VAV2: variants seen among roughly 807,000 people sequenced by gnomAD.
The protein encoded by VAV2 is vav guanine nucleotide exchange factor 2.
A neutral mutation model predicts 132.5 loss-of-function variants in VAV2; 67 were observed. The observed-to-expected ratio is 0.51, with a 90% confidence interval of 0.42 to 0.62. VAV2 has a LOEUF of 0.62. VAV2 is among the 20% of genes least tolerant of loss of function. VAV2 has a pLI of 0.00. For synonymous variants in VAV2, 492 were observed against 443.5 expected, an observed-to-expected ratio of 1.11 and a Z score of -1.37; for missense variants, 938 against 1,153.6, an observed-to-expected ratio of 0.81 and a Z score of 2.71.
At chr9:133,888,727 T>A (rs919432634) in intron 2 of VAV2, among the ~76,000 whole-genome samples, 1 of 152,198 alleles carries the variant, frequency 6.6e-6, no homozygotes, top group Non-Finnish European at 1.5e-5. Flanking sequence ...ATTAGTATCA[T>A]GAGCCTGAGC....
chr9:133,876,479 C>T (rs866458015), intron 2 of VAV2, among the ~76,000 whole-genome samples: 1 of 152,254 alleles, frequency 6.6e-6, no homozygotes, highest in Admixed American at 6.5e-5. Context: ...GCCAGGAGAA[C>T]GTGCAGGGGC....
In VAV2 at chr9:133,769,272, C is replaced by T. The variant is rs1564326648; in HGVS notation, c.2434+145G>A. On this transcript the variant is annotated intron_variant, in intron 28 of 29. Coordinates refer to ENST00000371850, the MANE Select transcript of VAV2 (RefSeq NM_001134398.2). The surrounding 1 kb of genome is among the most constrained non-coding windows in gnomAD (Gnocchi z 8.1). ...AGCCTCTGCCCGGCCTCCCCAGCCC[C>T]TTTCTCCCCTCCACCCAGTGCCAGA... is the stretch of plus-strand genomic sequence containing the variant. 1 of 917,636 alleles carries T rather than the reference C, an allele frequency of 1.1e-6. No homozygotes were observed. Among genetic ancestry groups the T allele is most frequent in the Non-Finnish European group, 1.6e-6 (1 of 617,588 alleles). 56.8% of individuals were successfully genotyped at this position (917,636 alleles called of 1,614,324 possible).
At chr9:133,827,252 G>T (rs571904871) in intron 4 of VAV2, among the ~76,000 whole-genome samples, 165 of 10,602 alleles carry the variant, frequency 0.016, 6 homozygotes, top group African/African-American at 0.049. Flanking sequence ...CCACTGAGCG[G>T]GGGCATCACC....
At chr9:133,793,240 G>A (rs139048080) in intron 12 of VAV2, among the ~76,000 whole-genome samples, 2,119 of 151,934 alleles carry the variant, frequency 0.014, 28 homozygotes, top group Middle Eastern at 0.027. Context: ...GAACCCAAGG[G>A]AGCCGGCCAC....
chr9:133,832,145 C>A (rs1836287565), intron 4 of VAV2, among the ~76,000 whole-genome samples: 1 of 152,166 alleles, frequency 6.6e-6, no homozygotes, highest in Non-Finnish European at 1.5e-5. Flanking sequence ...AGGGTCTGAC[C>A]CTCTGATAGG....
At position 133,823,720 on chromosome 9, in the gene VAV2, C is replaced by T. The variant is rs914542939; in HGVS notation, c.449+10552G>A. Among the ~76,000 whole-genome samples the T allele has an allele frequency of 2.0e-5, 3 of 152,176 alleles. No individual in the cohort carries two copies. The highest frequency in any genetic ancestry group is 4.4e-5 in the Non-Finnish European group (3 of 68,044). On this transcript the variant is annotated intron_variant, in intron 4 of 29. Coordinates refer to ENST00000371850, the MANE Select transcript of VAV2 (RefSeq NM_001134398.2). The surrounding 1 kb of genome is among the most constrained non-coding windows in gnomAD (Gnocchi z 5.5). Reference sequence around the variant, plus strand: ...ATGAATGCGTATGTCTTTAAAGCTGCCCTTCTGCGCCGGTCCCCTCCCTCT... The same window carrying T: ...ATGAATGCGTATGTCTTTAAAGCTGTCCTTCTGCGCCGGTCCCCTCCCTCT...
chr9:133,977,200 A>G (rs1427494975), intron 1 of VAV2, among the ~76,000 whole-genome samples: 1 of 152,202 alleles, frequency 6.6e-6, no homozygotes, highest in Non-Finnish European at 1.5e-5. Flanking sequence ...CCAGCATCCC[A>G]CGAGGACCTC....
At chr9:133,953,421 T>C (rs2132189130) in intron 1 of VAV2, among the ~76,000 whole-genome samples, 1 of 152,362 alleles carries the variant, frequency 6.6e-6, no homozygotes, top group South Asian at 2.1e-4. Flanking sequence ...TCTTCCACCC[T>C]TTGTTCCCGT....
Position 133,935,984 on chromosome 9 carries a change from A to T in VAV2, c.321+3119T>A, listed in dbSNP as rs1354549591. On this transcript the variant is annotated intron_variant, in intron 2 of 29. Transcript: ENST00000371850. The surrounding 1 kb of genome is among the most constrained non-coding windows in gnomAD (Gnocchi z 5.2). ...GGCATGGCTCAGATGCGGAGACCAG[A>T]AGCAGCAAGGCCCCAGAGTGGCGGG... Among the ~76,000 whole-genome samples the T allele has an allele frequency of 6.6e-6, 1 of 152,200 alleles. No homozygotes were observed. The highest frequency in any genetic ancestry group is 1.9e-4 in the East Asian group (1 of 5,186).
At chr9:133,913,256 C>T (rs1184696084) in intron 2 of VAV2, among the ~76,000 whole-genome samples, 1 of 152,182 alleles carries the variant, frequency 6.6e-6, no homozygotes, top group African/African-American at 2.4e-5. Flanking sequence ...CCACGGCCCC[C>T]ATGAGAAGGA....
At chr9:133,849,298 G>A (rs1393581968) in intron 3 of VAV2, among the ~76,000 whole-genome samples, 1 of 152,138 alleles carries the variant, frequency 6.6e-6, no homozygotes, top group African/African-American at 2.4e-5. Context: ...CTGGAGGGGT[G>A]TCCTTGAACC....
At chr9:133,906,704 G>A (rs1021372445) in intron 2 of VAV2, among the ~76,000 whole-genome samples, 26 of 152,292 alleles carry the variant, frequency 1.7e-4, no homozygotes, top group African/African-American at 5.3e-4. Flanking sequence ...ACCTCACGCC[G>A]CAGAACCTGG....
chr9:133,969,607 G>C lies in VAV2; in HGVS notation c.204+22468C>G, dbSNP rs1842259949. Among the ~76,000 whole-genome samples, 1 of 152,048 alleles carries C rather than the reference G, an allele frequency of 6.6e-6. No individual in the cohort carries two copies. Among genetic ancestry groups the C allele is most frequent in the Non-Finnish European group, 1.5e-5 (1 of 68,004 alleles). On this transcript the variant is annotated intron_variant, in intron 1 of 29. Transcript: ENST00000371850. The surrounding 1 kb of genome is among the most constrained non-coding windows in gnomAD (Gnocchi z 5.1). ...GACATCCCTGCAACCTTGGCCAGTGGGGGACTTGAACCCCTAGGGCCAACT... is the reference window on the plus strand; with the variant it reads ...GACATCCCTGCAACCTTGGCCAGTGCGGGACTTGAACCCCTAGGGCCAACT...
At chr9:133,792,583 TTGTG>T (rs1307840952) in intron 12 of VAV2, among the ~76,000 whole-genome samples, 4 of 148,140 alleles carry the variant, frequency 2.7e-5, no homozygotes, top group African/African-American at 7.5e-5. Context: ...GACTGTGTGG[TTGTG>T]TGTGTGAGCA....
At chr9:133,950,702 A>AT (rs1841529427) in intron 1 of VAV2, among the ~76,000 whole-genome samples, 1 of 152,168 alleles carries the variant, frequency 6.6e-6, no homozygotes, top group South Asian at 2.1e-4. Flanking sequence ...ATTAGCCCAG[A>AT]CGCACGCCTG....
Position 133,770,394 on chromosome 9 carries a change from G to A in VAV2, c.2331C>T (p.Ala777=). Reference sequence around the variant, plus strand: ...GGGCGTTACCTGGGGACCGGCTGGAGGCCCTGGAGGCCGAACGTTCCCGGG... The same window carrying A: ...GGGCGTTACCTGGGGACCGGCTGGAAGCCCTGGAGGCCGAACGTTCCCGGG... The part of the protein sequence containing the change: ...YKSRERSASR[A]SSRSPASCAS... Residue 777 remains alanine (A), a synonymous_variant, in exon 27 of 30, where the codon GCC becomes GCT. Coordinates refer to ENST00000371850, the MANE Select transcript of VAV2 (RefSeq NM_001134398.2). 2 of 1,614,034 alleles carry A rather than the reference G, an allele frequency of 1.2e-6. No homozygotes were observed. The highest frequency in any genetic ancestry group is 1.7e-5 in the Admixed American group (1 of 60,028).
intron 2 of VAV2, among the ~76,000 whole-genome samples, chr9:133,931,568 C>T (rs1372469084): frequency 3.3e-5 from 5 of 152,192 alleles, no homozygotes; most frequent in Non-Finnish European, 7.3e-5. Context: ...TCCCTTTGTC[C>T]CCTGACCTAG....
At chr9:133,783,051 G>C (rs776003695) in intron 19 of VAV2, among the ~76,000 whole-genome samples, 2 of 152,192 alleles carry the variant, frequency 1.3e-5, no homozygotes, top group Admixed American at 6.5e-5. Flanking sequence ...GTGTGTATGC[G>C]TGCATGTGTG....
intron 2 of VAV2, among the ~76,000 whole-genome samples, chr9:133,906,449 C>T (rs1399231128): frequency 6.6e-6 from 1 of 152,228 alleles, no homozygotes; most frequent in South Asian, 2.1e-4. Context: ...ACTCGCCCCA[C>T]TGACAGCTCA....
Sources: gnomAD v4.1 joint callset for allele counts (sites outside exome capture counted in the v4.1 genomes callset) on GRCh38, gnomAD v4.1.1 for gene constraint, Gnocchi (gnomAD v3.1) non-coding constraint, MANE v1.5 for transcripts, NCBI Gene and HGNC (gene_info 2026-07-23, HGNC 2026-07-21) for gene names.